The following CNNM4 variants were observed in gnomAD, a reference collection of about 807,000 sequenced individuals.
CNNM4 encodes metal transporter CNNM4.
Under a neutral mutation model 53.7 loss-of-function variants are expected in CNNM4, and 32 were observed. The observed-to-expected ratio is 0.60, with a 90% CI of 0.45 to 0.80. The LOEUF is 0.80. Ranked by LOEUF, CNNM4 falls within the 30% of genes least tolerant of loss-of-function variation. The pLI is 0.00. For missense variants in CNNM4, 784 were observed against 1,022.0 expected, an observed-to-expected ratio of 0.77 and a Z score of 3.17; for synonymous variants, 410 against 440.0, an observed-to-expected ratio of 0.93 and a Z score of 0.85.
At chr2:96,798,685 T>C (rs886835269) in intron 3 of CNNM4, among the ~76,000 whole-genome samples, 3 of 152,184 alleles carry the variant, frequency 2.0e-5, no homozygotes, top group African/African-American at 7.2e-5. Context: ...TTAGTATATA[T>C]GGACAGCACA....
chr2:96,776,992 A>G (rs554974190), intron 1 of CNNM4, among the ~76,000 whole-genome samples: 2 of 151,912 alleles, frequency 1.3e-5, no homozygotes, highest in East Asian at 3.9e-4. Context: ...CCATTTGACT[A>G]TTCTTTTTAT....
chr2:96,780,643 A>G (rs895715164), intron 1 of CNNM4, among the ~76,000 whole-genome samples: 15 of 152,158 alleles, frequency 9.9e-5, no homozygotes, highest in African/African-American at 3.1e-4. Context: ...AACAACTCAC[A>G]GAACTCAGGA....
intron 1 of CNNM4, among the ~76,000 whole-genome samples, chr2:96,783,367 A>T (rs957436361): frequency 6.6e-6 from 1 of 152,152 alleles, no homozygotes; most frequent in African/African-American, 2.4e-5. Flanking sequence ...CTGAACTCAG[A>T]AGGACGCTGA....
At chr2:96,806,067 G>A (rs1210544503) in intron 5 of CNNM4, among the ~76,000 whole-genome samples, 1 of 144,910 alleles carries the variant, frequency 6.9e-6, no homozygotes, top group Admixed American at 6.6e-5. Flanking sequence ...GCGGCTGGCC[G>A]GGCAGGGGGG....
chr2:96,764,679 T>C (rs555788540), intron 1 of CNNM4, among the ~76,000 whole-genome samples: 45 of 152,260 alleles, frequency 3.0e-4, no homozygotes, highest in Admixed American at 7.9e-4. Flanking sequence ...ACACACCTAG[T>C]GTACATCTGC....
rs1286062722 is a variant in CNNM4 at position 96,800,781 on chromosome 2, C to T, written c.1948+1133C>T. Among the ~76,000 whole-genome samples the T allele has an allele frequency of 3.9e-5, 6 of 152,304 alleles. No individual in the cohort carries two copies. The South Asian group carries it at 1.0e-3, about 26-fold the overall frequency. On this transcript the variant is annotated intron_variant, in intron 5 of 6. Transcript: ENST00000377075. The surrounding 1 kb of genome is among the most constrained non-coding windows in gnomAD (Gnocchi z 4.6). ...TTTGTGCAGTGAAGCCTCAGAGGCC[C>T]GGTTAGGGCCCAGGCTCTGTCCGTT... is the stretch of plus-strand genomic sequence containing the variant.
intron 1 of CNNM4, among the ~76,000 whole-genome samples, chr2:96,767,517 C>T (rs2678383): frequency 6.6e-5 from 10 of 152,196 alleles, no homozygotes; most frequent in Non-Finnish European, 8.8e-5. Flanking sequence ...GAGGGCAGAG[C>T]TCTGCACCCC....
intron 5 of CNNM4, among the ~76,000 whole-genome samples, chr2:96,806,528 C>T (rs1341553496): frequency 7.0e-6 from 1 of 143,786 alleles, no homozygotes; most frequent in Non-Finnish European, 1.5e-5. Context: ...CACACACACA[C>T]ACACACACGC....
chr2:96,802,956 C>T (rs1464564734), intron 5 of CNNM4, among the ~76,000 whole-genome samples: 1 of 152,190 alleles, frequency 6.6e-6, no homozygotes, highest in Non-Finnish European at 1.5e-5. Context: ...GCAGCACCAG[C>T]ATCTTTCAGC....
At chr2:96,788,111 T>TG (rs2079030063) in intron 1 of CNNM4, among the ~76,000 whole-genome samples, 1 of 152,114 alleles carries the variant, frequency 6.6e-6, no homozygotes, top group Non-Finnish European at 1.5e-5. Flanking sequence ...TTAGTAGAGA[T>TG]GGGGCTTCAC....
At chr2:96,765,730 A>G (rs976117163) in intron 1 of CNNM4, among the ~76,000 whole-genome samples, 3 of 151,884 alleles carry the variant, frequency 2.0e-5, no homozygotes, top group Admixed American at 2.0e-4. Context: ...ATGAATGAAC[A>G]ATGGATGACT....
Position 96,808,770 on chromosome 2 carries a change from A to G in CNNM4, c.2130+28A>G, listed in dbSNP as rs1263017081. 3 of 1,609,436 alleles carry G rather than the reference A, an allele frequency of 1.9e-6. No individual in the cohort carries two copies. In the East Asian group the frequency reaches 6.7e-5, roughly 36 times the overall value. The stretch of plus-strand genomic sequence containing the variant: ...GAGTGCCTCACTGCCCTGTCTGGGC[A>G]GTGCTATCTTCTGCTCAGGAATCAG... On this transcript the variant is annotated intron_variant, in intron 6 of 6. Transcript: ENST00000377075. This position sits in a 1 kb window ranked among gnomAD's most constrained non-coding sequence, Gnocchi z 4.9.
In CNNM4 at chr2:96,761,347, C is replaced by G. The variant is rs745841697; in HGVS notation, c.348C>G (p.Val116=). 234 of 1,613,964 alleles carry G rather than the reference C, an allele frequency of 1.4e-4. No individual in the cohort carries two copies. The highest frequency in any genetic ancestry group is 1.9e-4 in the Non-Finnish European group (229 of 1,180,050). ...TSCLELTKDL[V]VQQLVNVSRG... ...GCCTCGAGCTCACCAAGGACCTGGT[C>G]GTCCAGCAGCTGGTCAACGTGAGCC... Residue 116 remains valine, a synonymous_variant, in exon 1 of 7, where the codon GTC becomes GTG. Coordinates refer to ENST00000377075, the MANE Select transcript of CNNM4 (RefSeq NM_020184.4). The surrounding 1 kb of genome is among the most constrained non-coding windows in gnomAD (Gnocchi z 6.0).
rs985870186 is a variant in CNNM4, at chr2:96,808,338, T to C, written c.1949-223T>C. On this transcript the variant is annotated intron_variant, in intron 5 of 6. Coordinates refer to ENST00000377075, the MANE Select transcript of CNNM4 (RefSeq NM_020184.4). This position sits in a 1 kb window ranked among gnomAD's most constrained non-coding sequence, Gnocchi z 4.9. ...TTGGTTGATTTGTTTTGGTAGACTT[T>C]TTAATACTTGTTGCACAATAGTTCT... Among the ~76,000 whole-genome samples, 3 of 152,258 alleles carry C rather than the reference T, an allele frequency of 2.0e-5. No homozygotes were observed. Among genetic ancestry groups the C allele is most frequent in the African/African-American group, 4.8e-5 (2 of 41,476 alleles).
Position 96,810,805 on chromosome 2 carries a change from A to G in CNNM4, c.*1288A>G, listed in dbSNP as rs1417799751. ...CTCACACGTGTGATCCTAGCGTGAG[A>G]GGTCATCCTGCCCTTGCTGAAGTTA... is the stretch of plus-strand genomic sequence containing the variant. On this transcript the variant is annotated 3_prime_UTR_variant, in exon 7 of 7. Coordinates refer to ENST00000377075, the MANE Select transcript of CNNM4 (RefSeq NM_020184.4). This position sits in a 1 kb window ranked among gnomAD's most constrained non-coding sequence, Gnocchi z 4.1. 1 of 152,198 alleles carries G rather than the reference A, an allele frequency of 6.6e-6. No homozygotes were observed. The highest frequency in any genetic ancestry group is 1.5e-5 in the Non-Finnish European group (1 of 68,072). The allele number at this position is 152,198 out of a possible 1,614,324, so 9.4% of individuals were successfully genotyped here.
At position 96,801,228 on chromosome 2, in the gene CNNM4, G is replaced by A. The variant is rs528639228; in HGVS notation, c.1948+1580G>A. 2.0e-3 allele frequency: 1,354 copies of A among 687,914 alleles called. 1 individual carries two copies. The highest frequency in any genetic ancestry group is 3.3e-3 in the Admixed American group (52 of 15,918). 42.6% of individuals were successfully genotyped at this position (687,914 alleles called of 1,614,324 possible). On this transcript the variant is annotated intron_variant, in intron 5 of 6. Coordinates refer to ENST00000377075, the MANE Select transcript of CNNM4 (RefSeq NM_020184.4). This position sits in a 1 kb window ranked among gnomAD's most constrained non-coding sequence, Gnocchi z 5.6. ...CCTCCCCACATGGACCCGGACCCCCGCCTGCTCAATGTGGGCCGCCAGACC... is the reference window on the plus strand; with the variant it reads ...CCTCCCCACATGGACCCGGACCCCCACCTGCTCAATGTGGGCCGCCAGACC...
intron 1 of CNNM4, among the ~76,000 whole-genome samples, chr2:96,787,769 A>G (rs926355605): frequency 6.6e-6 from 1 of 152,106 alleles, no homozygotes; most frequent in African/African-American, 2.4e-5. Context: ...CTGAGGTAGG[A>G]GGTTCACTTG....
At chr2:96,771,113 A>G (rs1462969710) in intron 1 of CNNM4, among the ~76,000 whole-genome samples, 1 of 151,994 alleles carries the variant, frequency 6.6e-6, no homozygotes, top group East Asian at 1.9e-4. Context: ...CTGCTGCACT[A>G]CAGCTCTCAG....
chr2:96,800,545 G>A lies in CNNM4; in HGVS notation c.1948+897G>A, dbSNP rs563658115. Among the ~76,000 whole-genome samples, 75 of 152,136 alleles carry A rather than the reference G, an allele frequency of 4.9e-4. 1 individual carries two copies. The highest frequency in any genetic ancestry group is 2.0e-3 in the Admixed American group (31 of 15,280). On this transcript the variant is annotated intron_variant, in intron 5 of 6. Transcript: ENST00000377075. This position sits in a 1 kb window ranked among gnomAD's most constrained non-coding sequence, Gnocchi z 4.6. ...AGCTTGGCTTATCCACCATGTCCTCGGCCCCTCCACCAGATGAGTGGGGCA... is the reference window on the plus strand; with the variant it reads ...AGCTTGGCTTATCCACCATGTCCTCAGCCCCTCCACCAGATGAGTGGGGCA...
Sources: gnomAD v4.1 joint callset for allele counts (sites outside exome capture counted in the v4.1 genomes callset) on GRCh38, gnomAD v4.1.1 for gene constraint, Gnocchi (gnomAD v3.1) non-coding constraint, MANE v1.5 for transcripts, NCBI Gene and HGNC (gene_info 2026-07-23, HGNC 2026-07-21) for gene names.